Variants in MED26 observed in about 807,000 individuals in gnomAD.
MED26 encodes mediator complex subunit 26.
In MED26, 7 loss-of-function variants were observed where a neutral mutation model predicts 43.7. The ratio of observed to expected loss-of-function variants is 0.16; its 90% CI spans 0.09 to 0.30. The LOEUF (loss-of-function observed/expected upper bound fraction) is 0.30. MED26 is among the 10% of genes least tolerant of loss of function. The probability of loss-of-function intolerance (pLI) is 1.00; values close to 1 mark genes in which losing one functional copy is unlikely to be tolerated. For synonymous variants in MED26, 375 were observed against 371.1 expected (o/e 1.01, Z -0.12); for missense variants, 784 against 840.6 (o/e 0.93, Z 0.83).
intron 1 of MED26, among the ~76,000 whole-genome samples, chr19:16,600,162 A>G (rs2086141815): frequency 6.7e-6 from 1 of 148,522 alleles, no homozygotes; most frequent in Non-Finnish European, 1.5e-5. Flanking sequence ...GTCCCCCCTC[A>G]TCCCCCCGGG....
In MED26 at chr19:16,606,882, C is replaced by T. The variant is rs117582175; in HGVS notation, c.72+20990G>A. The stretch of plus-strand genomic sequence containing the variant: ...ATGCACAATGCAACTGCTGCAGACA[C>T]GAGAATTCATTCAGTCACCTTTTCA... On this transcript the variant is annotated intron_variant, in intron 1 of 2. Coordinates refer to ENST00000263390, the MANE Select transcript of MED26 (RefSeq NM_004831.5). 9.5e-4 allele frequency among the ~76,000 whole-genome samples: 145 copies of T among 152,302 alleles called. 4 individuals are homozygous for T. The East Asian group carries it at 0.026, about 27-fold the overall frequency.
intron 1 of MED26, among the ~76,000 whole-genome samples, chr19:16,580,002 C>T (rs12461650): frequency 0.037 from 5,586 of 152,264 alleles, 239 homozygotes; most frequent in Admixed American, 0.088. Flanking sequence ...GACTTGAATG[C>T]TGTGGGACAC....
At position 16,576,580 on chromosome 19, in the gene MED26, G is replaced by A; in HGVS notation, c.1250C>T (p.Pro417Leu). 1.2e-6 allele frequency: 2 copies of A among 1,614,224 alleles called. No individual in the cohort carries two copies. The highest frequency in any genetic ancestry group is 1.7e-6 in the Non-Finnish European group (2 of 1,180,042). Residue 417 changes from proline to leucine, a missense_variant, in exon 3 of 3, where the codon CCT (proline) becomes CTT (leucine). By Grantham distance (98) the Pro-to-Leu change is moderately conservative. Transcript: ENST00000263390. This position sits in a 1 kb window ranked among gnomAD's most constrained non-coding sequence, Gnocchi z 6.8. ...DGQVAEAGVK[P>L]VRLKERKLTF... ...GAGCTTCCGCTCTTTTAACCGGACA[G>A]GCTTGACGCCCGCCTCAGCCACCTG...
rs918373592 is a variant in MED26, at chr19:16,628,169, C to G, written c.-226G>C. On this transcript the variant is annotated 5_prime_UTR_variant, in exon 1 of 3. Transcript: ENST00000263390. Reference sequence around the variant, plus strand: ...GAGGAGGAGCCGCCGGAGCCGCCGCCGCTCGCTGCCGCCGCCTCGAGAACC... The same window carrying G: ...GAGGAGGAGCCGCCGGAGCCGCCGCGGCTCGCTGCCGCCGCCTCGAGAACC... The G allele has an allele frequency of 5.6e-6, 2 of 357,372 alleles. No homozygotes were observed. Among genetic ancestry groups the G allele is most frequent in the Admixed American group, 4.8e-5 (1 of 20,962 alleles). 22.1% of individuals were successfully genotyped at this position (357,372 alleles called of 1,614,324 possible).
intron 1 of MED26, chr19:16,588,345 A>G (rs1362725046): frequency 1.3e-5 from 2 of 152,340 alleles, no homozygotes; most frequent in African/African-American, 4.8e-5. Flanking sequence ...TGTTCCGCCA[A>G]AGACAGAGCC....
chr19:16,627,958 G>A lies in MED26; in HGVS notation c.-15C>T, dbSNP rs939755304. The A allele has an allele frequency of 2.8e-6, 4 of 1,443,636 alleles. No individual in the cohort carries two copies. In the South Asian group the frequency reaches 5.4e-5, roughly 20 times the overall value. The allele number at this position is 1,443,636 out of a possible 1,614,324, so 89.4% of individuals were successfully genotyped here. On this transcript the variant is annotated 5_prime_UTR_variant, in exon 1 of 3. Coordinates refer to ENST00000263390, the MANE Select transcript of MED26 (RefSeq NM_004831.5). ...GCCGCTGTCATTGCCTGGGCGAGGC[G>A]GGGGGTTGCGGCCGGGCCAGCGGGC...
At chr19:16,582,113 T>A (rs1340171005) in intron 1 of MED26, among the ~76,000 whole-genome samples, 1 of 152,228 alleles carries the variant, frequency 6.6e-6, no homozygotes. Context: ...ATGATAAATG[T>A]GTGTTGTGTA....
At chr19:16,627,510 C>T (rs886766063) in intron 1 of MED26, among the ~76,000 whole-genome samples, 3 of 152,244 alleles carry the variant, frequency 2.0e-5, no homozygotes, top group Non-Finnish European at 2.9e-5. Context: ...CTTCCCGCTC[C>T]GGGAGGGCTT....
chr19:16,620,022 T>C (rs77121302), intron 1 of MED26, among the ~76,000 whole-genome samples: 7,887 of 152,036 alleles, frequency 0.052, 286 homozygotes, highest in South Asian at 0.065. Flanking sequence ...CAGGCAGAAA[T>C]CTAAGATCAA....
intron 1 of MED26, among the ~76,000 whole-genome samples, chr19:16,585,998 G>C (rs2086069139): frequency 6.6e-6 from 1 of 152,232 alleles, no homozygotes; most frequent in African/African-American, 2.4e-5. Context: ...ACAAGGAACT[G>C]AGACTGAGTT....
In MED26 at chr19:16,586,837, C is replaced by T. The variant is rs915118369; in HGVS notation, c.73-8428G>A. ...ACCTGCTCCTTGGGCTCAAAACAGC[C>T]CCTGCTGAGGCCTCAGTGGCAAAGC... On this transcript the variant is annotated intron_variant, in intron 1 of 2. Coordinates refer to ENST00000263390, the MANE Select transcript of MED26 (RefSeq NM_004831.5). This position sits in a 1 kb window ranked among gnomAD's most constrained non-coding sequence, Gnocchi z 5.1. The T allele has an allele frequency of 6.6e-6, 1 of 152,184 alleles. No individual in the cohort carries two copies. The highest frequency in any genetic ancestry group is 6.5e-5 in the Admixed American group (1 of 15,280). 9.4% of individuals were successfully genotyped at this position (152,184 alleles called of 1,614,324 possible).
Position 16,577,007 on chromosome 19 carries a change from G to T in MED26, c.823C>A (p.Pro275Thr). The change falls in exon 3 of 3, where the codon CCT (proline) becomes ACT (threonine). Residue 275 changes from proline (P) to threonine (T), a missense_variant. Around this residue, in one of 3 missense-constraint regions of MED26, gnomAD observed 719 missense variants for 730.9 expected, o/e 0.98. Transcript: ENST00000263390. The surrounding 1 kb of genome is among the most constrained non-coding windows in gnomAD (Gnocchi z 8.1). ...PKGPPRCSFS[P>T]RNSRHEGSFA... ...GAGCCCTCATGCCGTGAGTTCCGAG[G>T]ACTGAAAGAGCAGCGAGGGGGTCCC... The T allele has an allele frequency of 6.2e-7, 1 of 1,608,328 alleles. No homozygotes were observed. The highest frequency in any genetic ancestry group is 8.5e-7 in the Non-Finnish European group (1 of 1,176,208).
At chr19:16,609,171 C>T (rs927515455) in intron 1 of MED26, among the ~76,000 whole-genome samples, 9 of 151,818 alleles carry the variant, frequency 5.9e-5, no homozygotes, top group Non-Finnish European at 1.0e-4. Flanking sequence ...AAAAATTAGC[C>T]GGGTATGGTG....
At chr19:16,621,545 C>T (rs988239477) in intron 1 of MED26, among the ~76,000 whole-genome samples, 2 of 152,154 alleles carry the variant, frequency 1.3e-5, no homozygotes. Context: ...AGGCCTTTAA[C>T]CCCAATTGCC....
Position 16,627,852 on chromosome 19 carries a change from C to G in MED26, c.72+20G>C. On this transcript the variant is annotated intron_variant, in intron 1 of 2. Transcript: ENST00000263390. Reference sequence around the variant, plus strand: ...CGGGCCCATGCGGCCTCCGTCCCAGCTCGCGCGGCGGGTACTTACGTTGCT... The same window carrying G: ...CGGGCCCATGCGGCCTCCGTCCCAGGTCGCGCGGCGGGTACTTACGTTGCT... 5 of 1,472,102 alleles carry G rather than the reference C, an allele frequency of 3.4e-6. No individual in the cohort carries two copies. Among genetic ancestry groups the G allele is most frequent in the Non-Finnish European group, 4.5e-6 (5 of 1,103,672 alleles). 91.2% of individuals were successfully genotyped at this position (1,472,102 alleles called of 1,614,324 possible).
At chr19:16,588,478 G>A (rs1487641300) in intron 1 of MED26, 5 of 152,436 alleles carry the variant, frequency 3.3e-5, no homozygotes, top group Non-Finnish European at 5.9e-5. Context: ...AGCTGAGGCT[G>A]GGCAGACAAG....
intron 1 of MED26, among the ~76,000 whole-genome samples, chr19:16,593,218 C>T (rs975663977): frequency 6.6e-6 from 1 of 152,196 alleles, no homozygotes; most frequent in Non-Finnish European, 1.5e-5. Flanking sequence ...CACCCTCTGG[C>T]CCAGGCTGTG....
At chr19:16,595,967 G>C (rs1310410383) in intron 1 of MED26, among the ~76,000 whole-genome samples, 2 of 152,174 alleles carry the variant, frequency 1.3e-5, no homozygotes. Context: ...TTTACTCCAA[G>C]AGAGTTCAAA....
In MED26 at chr19:16,577,230, C is replaced by A. The variant is rs540369553; in HGVS notation, c.600G>T (p.Gly200=). 4 of 1,613,194 alleles carry A rather than the reference C, an allele frequency of 2.5e-6. No individual in the cohort carries two copies. The South Asian group carries it at 4.4e-5, about 18-fold the overall frequency. Residue 200 remains glycine (G), a synonymous_variant, in exon 3 of 3, where the codon GGG becomes GGT. Coordinates refer to ENST00000263390, the MANE Select transcript of MED26 (RefSeq NM_004831.5). The surrounding 1 kb of genome is among the most constrained non-coding windows in gnomAD (Gnocchi z 8.1). ...ESFASSLDGS[G]HAGPEGSRLE... The stretch of plus-strand genomic sequence containing the variant: ...GGCGGCTGCCCTCTGGGCCTGCATG[C>A]CCACTGCCATCCAGGGAGCTGGCGA...
Sources: allele counts gnomAD v4.1 joint callset (sites outside exome capture counted in the v4.1 genomes callset), GRCh38; gene constraint gnomAD v4.1.1; regional missense constraint gnomAD v4.1.1; non-coding constraint Gnocchi (gnomAD v3.1); transcripts MANE v1.5; gene names NCBI Gene and HGNC (gene_info 2026-07-23, HGNC 2026-07-21).